TERF1: variants seen among roughly 807,000 people sequenced by gnomAD.
The protein encoded by TERF1 is telomeric repeat-binding factor 1.
Under a neutral mutation model 55.1 loss-of-function variants are expected in TERF1, and 20 were observed. That is an observed-to-expected ratio of 0.36 (90% CI 0.26 to 0.53). The LOEUF (loss-of-function observed/expected upper bound fraction) is 0.53, where lower values mean the gene tolerates loss of function less well. Among genes scored for constraint, TERF1 ranks in the 20% least tolerant of loss-of-function variants. The pLI is 0.91. For missense variants in TERF1, 439 were observed against 535.7 expected (o/e 0.82, Z 1.78); for synonymous variants, 168 against 181.2 (o/e 0.93, Z 0.59).
chr8:73,010,905 G>A (rs970130253), intron 1 of TERF1: 3 of 152,180 alleles, frequency 2.0e-5, no homozygotes, highest in Non-Finnish European at 4.4e-5. Flanking sequence ...CTCTTGAGTG[G>A]TTAGGCGCAT....
In TERF1 at chr8:73,032,501, A is replaced by G. The variant is rs1809329732; in HGVS notation, c.1039+368A>G. 3.3e-5 allele frequency among the ~76,000 whole-genome samples: 5 copies of G among 152,110 alleles called. No homozygotes were observed. The South Asian group carries it at 1.0e-3, about 31-fold the overall frequency. ...GAAACTTGATAATGTGGCACTTGAT[A>G]TTGGCATTGCATATCAAGTAGGGGA... On this transcript the variant is annotated intron_variant, in intron 8 of 9. Coordinates refer to ENST00000276603, the MANE Select transcript of TERF1 (RefSeq NM_017489.3).
At chr8:73,036,331 A>G (rs1271412189) in intron 8 of TERF1, among the ~76,000 whole-genome samples, 2 of 152,222 alleles carry the variant, frequency 1.3e-5, no homozygotes, top group Non-Finnish European at 2.9e-5. Flanking sequence ...GCTTTTCTAC[A>G]TTCAACAGGA....
At position 73,025,062 on chromosome 8, in the gene TERF1, A is replaced by G. The variant is rs1808921944; in HGVS notation, c.774+91A>G. On this transcript the variant is annotated intron_variant, in intron 5 of 9. Coordinates refer to ENST00000276603, the MANE Select transcript of TERF1 (RefSeq NM_017489.3). ...CTTGAAATAGAAATCCTTTAAAATTAATCAGAATTTTTCATTGTGGTTTTG... is the reference window on the plus strand; with the variant it reads ...CTTGAAATAGAAATCCTTTAAAATTGATCAGAATTTTTCATTGTGGTTTTG... The G allele has an allele frequency of 7.2e-6, 6 of 836,376 alleles. No homozygotes were observed. The East Asian group carries it at 1.8e-4, about 25-fold the overall frequency. The allele number at this position is 836,376 out of a possible 1,614,324, so 51.8% of individuals were successfully genotyped here. A position where few individuals can be genotyped will look rare whatever the true frequency, so the allele number is the denominator to read the frequency against.
Position 73,024,970 on chromosome 8 carries a change from A to C in TERF1, c.773A>C (p.Lys258Thr), listed in dbSNP as rs1393775494. Residue 258 changes from lysine (K) to threonine (T), a missense_variant and splice_region_variant, in exon 5 of 10, where the codon AAG (lysine) becomes ACG (threonine). Physicochemically the swap from Lys to Thr is moderately conservative, Grantham distance 78. Around this residue, in one of 4 missense-constraint regions of TERF1, gnomAD observed 140 missense variants for 158.6 expected, o/e 0.88. Coordinates refer to ENST00000276603, the MANE Select transcript of TERF1 (RefSeq NM_017489.3). ...LSEKSSTFLMKAAAKVVESKR... is the reference protein window; with the variant it reads ...LSEKSSTFLMTAAAKVVESKR... The stretch of plus-strand genomic sequence containing the variant: ...GAAAAATCATCAACCTTTCTAATGA[A>C]GGTATACATATTATTCAAGAGTGAC... 3.9e-6 allele frequency: 6 copies of C among 1,539,016 alleles called. No individual in the cohort carries two copies. In the Admixed American group the frequency reaches 1.1e-4, roughly 29 times the overall value.
rs201306730 is a variant in TERF1, at chr8:73,024,803, T to G, written c.625-19T>G. 1.3e-5 allele frequency: 20 copies of G among 1,514,682 alleles called. No individual in the cohort carries two copies. The highest frequency in any genetic ancestry group is 2.1e-5 in the Admixed American group (1 of 48,770). 93.8% of individuals were successfully genotyped at this position (1,514,682 alleles called of 1,614,324 possible). ...ACTTTGTGTGATTTATGTTAATATATTTCTTCTGTTTTCTTTAGCCTTTCA... is the reference window on the plus strand; with the variant it reads ...ACTTTGTGTGATTTATGTTAATATAGTTCTTCTGTTTTCTTTAGCCTTTCA... On this transcript the variant is annotated intron_variant, in intron 4 of 9. Transcript: ENST00000276603.
chr8:73,021,972 GAT>G (rs1808777075), intron 3 of TERF1, among the ~76,000 whole-genome samples: 1 of 152,172 alleles, frequency 6.6e-6, no homozygotes, highest in Non-Finnish European at 1.5e-5. Flanking sequence ...CTAAATTAGA[GAT>G]AGAATGCTGG....
At position 73,036,081 on chromosome 8, in the gene TERF1, C is replaced by CA. The variant is rs1318641789; in HGVS notation, c.1040-3033dup. On this transcript the variant is annotated intron_variant, in intron 8 of 9. Coordinates refer to ENST00000276603, the MANE Select transcript of TERF1 (RefSeq NM_017489.3). ...CCTACCCCAAGTCCGGTGGACTATG[C>CA]AACAGGCCTAAATGGATGCTGCGAA... Among the ~76,000 whole-genome samples, 4 of 152,214 alleles carry CA rather than the reference C, an allele frequency of 2.6e-5. No individual in the cohort carries two copies. The East Asian group carries it at 7.7e-4, about 29-fold the overall frequency.
intron 7 of TERF1, chr8:73,030,655 C>T: frequency 3.2e-6 from 1 of 308,050 alleles, no homozygotes. Flanking sequence ...GAGCTTAAAA[C>T]AGATGTTTAG....
chr8:73,026,719 A>G (rs374621466), intron 5 of TERF1, among the ~76,000 whole-genome samples: 1 of 151,858 alleles, frequency 6.6e-6, no homozygotes, highest in Non-Finnish European at 1.5e-5. Context: ...ACAAGGAAAG[A>G]CCACCTTCGT....
intron 1 of TERF1, chr8:73,012,198 AAC>A: frequency 6.6e-6 from 1 of 152,308 alleles, no homozygotes; most frequent in South Asian, 2.1e-4. Flanking sequence ...GAGCAGTTAG[AAC>A]ACACACAATA....
chr8:73,025,474 C>T (rs923111185), intron 5 of TERF1, among the ~76,000 whole-genome samples: 3 of 151,860 alleles, frequency 2.0e-5, no homozygotes, highest in South Asian at 2.1e-4. Context: ...TTAGCTGGGC[C>T]GGGCGCGGTG....
chr8:73,012,988 T>C (rs1808345437), intron 1 of TERF1: 1 of 455,012 alleles, frequency 2.2e-6, no homozygotes, highest in Non-Finnish European at 4.4e-6. Context: ...TCTCTTAAAA[T>C]CCTGTTAAAT....
chr8:73,037,056 TTATAA>T (rs1369276681), intron 8 of TERF1, among the ~76,000 whole-genome samples: 2 of 137,458 alleles, frequency 1.5e-5, no homozygotes, highest in South Asian at 2.1e-4. Flanking sequence ...TAATATATAA[TTATAA>T]TATATATAAT....
chr8:73,043,929 G>A (rs1180665252), intron 9 of TERF1, among the ~76,000 whole-genome samples: 1 of 152,166 alleles, frequency 6.6e-6, no homozygotes, highest in Non-Finnish European at 1.5e-5. Flanking sequence ...AGACCATGGA[G>A]TTGATAGGCT....
intron 9 of TERF1, among the ~76,000 whole-genome samples, chr8:73,040,853 G>T (rs189189165): frequency 4.6e-5 from 7 of 152,074 alleles, no homozygotes; most frequent in Admixed American, 4.6e-4. Context: ...CAAATGTACT[G>T]ATTCTTTCTT....
chr8:73,030,826 G>A lies in TERF1; in HGVS notation c.947+431G>A, dbSNP rs112611411. 2.1e-3 allele frequency: 323 copies of A among 152,896 alleles called. 2 individuals carry two copies. Among genetic ancestry groups the A allele is most frequent in the African/African-American group, 5.4e-3 (224 of 41,578 alleles). The allele number at this position is 152,896 out of a possible 1,614,324, so 9.5% of individuals were successfully genotyped here. A position where few individuals can be genotyped will look rare whatever the true frequency, so the allele number is the denominator to read the frequency against. On this transcript the variant is annotated intron_variant, in intron 7 of 9. Transcript: ENST00000276603. The stretch of plus-strand genomic sequence containing the variant: ...TGTGACAGACAATACAACCTGTCCC[G>A]AGGGCAGAAAGTCTGCATGAATGAT...
intron 3 of TERF1, 103 bp from the exon 4 acceptor site, chr8:73,022,113 G>C (rs961123504): frequency 1.6e-6 from 1 of 625,832 alleles, no homozygotes; most frequent in Non-Finnish European, 2.7e-6. Flanking sequence ...ACATAAAAAT[G>C]TTCTCAACAG....
intron 2 of TERF1, among the ~76,000 whole-genome samples, chr8:73,017,352 C>G (rs761849521): frequency 3.3e-5 from 5 of 152,128 alleles, no homozygotes; most frequent in Non-Finnish European, 7.4e-5. Flanking sequence ...GTCTTGGTGT[C>G]TGCTTGTACT....
chr8:73,016,931 A>G (rs1305858541), intron 2 of TERF1, among the ~76,000 whole-genome samples: 1 of 152,174 alleles, frequency 6.6e-6, no homozygotes, highest in East Asian at 1.9e-4. Context: ...AGCTCACCTC[A>G]GAAGGGATTC....
Sources: gnomAD v4.1 joint callset for allele counts (sites outside exome capture counted in the v4.1 genomes callset) on GRCh38, gnomAD v4.1.1 for gene constraint, gnomAD v4.1.1 regional missense constraint, MANE v1.5 for transcripts, NCBI Gene and HGNC (gene_info 2026-07-23, HGNC 2026-07-21) for gene names.